TMEM108: variants seen among roughly 807,000 people sequenced by gnomAD.
TMEM108 encodes transmembrane protein 108.
TMEM108 carries 12 observed loss-of-function variants against 35.1 expected under a neutral mutation model. The ratio of observed to expected loss-of-function variants is 0.34; its 90% CI spans 0.22 to 0.55. The LOEUF (loss-of-function observed/expected upper bound fraction) is 0.55, where lower values mean the gene tolerates loss of function less well. Ranked by LOEUF, TMEM108 falls within the 20% of genes least tolerant of loss-of-function variation. The pLI is 0.89. For synonymous variants in TMEM108, 287 were observed against 308.6 expected (o/e 0.93, Z 0.73); for missense variants, 680 against 753.3 (o/e 0.90, Z 1.14).
intron 2 of TMEM108, among the ~76,000 whole-genome samples, chr3:133,220,777 C>T (rs1338424014): frequency 6.6e-6 from 1 of 152,150 alleles, no homozygotes; most frequent in Middle Eastern, 3.2e-3. Context: ...TCCCACAAGA[C>T]TGCTCCCTAC....
At chr3:133,340,297 T>C (rs1193311513) in intron 3 of TMEM108, among the ~76,000 whole-genome samples, 3 of 151,680 alleles carry the variant, frequency 2.0e-5, no homozygotes, top group Admixed American at 6.6e-5. Context: ...TTAGTGGCTA[T>C]CGTGAGCAAC....
chr3:133,378,197 G>A (rs931449837), intron 3 of TMEM108: 4 of 301,588 alleles, frequency 1.3e-5, no homozygotes, highest in South Asian at 1.3e-4. Context: ...AAAGTCCCCC[G>A]CAGCCTCCCA....
intron 2 of TMEM108, among the ~76,000 whole-genome samples, chr3:133,116,827 G>A (rs1453537147): frequency 6.6e-6 from 1 of 152,190 alleles, no homozygotes; most frequent in African/African-American, 2.4e-5. Flanking sequence ...CCAGGCTGGA[G>A]CGCAATGGCG....
Position 133,243,677 on chromosome 3 carries a change from C to T in TMEM108, c.40+14326C>T, listed in dbSNP as rs148730008. Among the ~76,000 whole-genome samples the T allele has an allele frequency of 3.6e-3, 554 of 152,196 alleles. 3 individuals carry two copies. Among genetic ancestry groups the T allele is most frequent in the African/African-American group, 0.012 (504 of 41,534 alleles). ...CTGGGACTACAGGCGCCTGCCACCA[C>T]GCCCGGCTAATTTTTTGTACTTTTT... is the stretch of plus-strand genomic sequence containing the variant. On this transcript the variant is annotated intron_variant, in intron 3 of 5. Coordinates refer to ENST00000321871, the MANE Select transcript of TMEM108 (RefSeq NM_023943.4).
intron 3 of TMEM108, among the ~76,000 whole-genome samples, chr3:133,375,858 C>G (rs1414873099): frequency 6.6e-6 from 1 of 152,236 alleles, no homozygotes; most frequent in African/African-American, 2.4e-5. Context: ...CTGTTGCCCA[C>G]TCTGTGAAAT....
intron 3 of TMEM108, among the ~76,000 whole-genome samples, chr3:133,338,530 G>T (rs1360334295): frequency 2.0e-5 from 3 of 152,014 alleles, no homozygotes; most frequent in Admixed American, 1.3e-4. Flanking sequence ...ATCAACATTA[G>T]ATCTGTCCTA....
chr3:133,079,030 T>C lies in TMEM108; in HGVS notation c.-47+33010T>C, dbSNP rs1480555366. ...AACTTGCAAAATATAATAATAGTTA[T>C]ATAAATATTGAATTCAGCGAGAAGT... is the stretch of plus-strand genomic sequence containing the variant. On this transcript the variant is annotated intron_variant, in intron 2 of 5. Transcript: ENST00000321871. Among the ~76,000 whole-genome samples the C allele has an allele frequency of 3.3e-5, 5 of 152,342 alleles. No homozygotes were observed. The East Asian group carries it at 9.6e-4, about 29-fold the overall frequency.
At chr3:133,153,474 A>G (rs185910833) in intron 2 of TMEM108, among the ~76,000 whole-genome samples, 59 of 152,316 alleles carry the variant, frequency 3.9e-4, no homozygotes, top group African/African-American at 1.4e-3. Context: ...CCACTTTTAC[A>G]GTGAGGAAAG....
chr3:133,162,149 C>G (rs1470076828), intron 2 of TMEM108, among the ~76,000 whole-genome samples: 1 of 146,648 alleles, frequency 6.8e-6, no homozygotes, highest in Admixed American at 6.8e-5. Flanking sequence ...GAATCCTAGA[C>G]TTTTTTTTTT....
chr3:133,170,752 A>G (rs1448088891), intron 2 of TMEM108, among the ~76,000 whole-genome samples: 1 of 152,186 alleles, frequency 6.6e-6, no homozygotes, highest in African/African-American at 2.4e-5. Context: ...ATGATAGGAG[A>G]TATATCAGTA....
intron 2 of TMEM108, among the ~76,000 whole-genome samples, chr3:133,139,288 T>C (rs960785207): frequency 3.9e-4 from 59 of 152,178 alleles, no homozygotes; most frequent in African/African-American, 1.4e-3. Flanking sequence ...AGTAATGGGA[T>C]TGCTGGGTCA....
Position 133,212,882 on chromosome 3 carries a change from GA to G in TMEM108, c.-46-16373del, listed in dbSNP as rs35722031. 5.0e-4 allele frequency among the ~76,000 whole-genome samples: 64 copies of G among 127,494 alleles called. No homozygotes were observed. In the East Asian group the frequency reaches 9.3e-3, roughly 19 times the overall value. 83.6% of individuals were successfully genotyped at this position (127,494 alleles called of 152,430 possible). On this transcript the variant is annotated intron_variant, in intron 2 of 5. Coordinates refer to ENST00000321871, the MANE Select transcript of TMEM108 (RefSeq NM_023943.4). ...ACTCTGTCTCAAAAAAAAAAAAAAGGAAAAAAAAAAAGAAAGAAAGAAGAGA... is the reference window on the plus strand; with the variant it reads ...ACTCTGTCTCAAAAAAAAAAAAAAGGAAAAAAAAAAGAAAGAAAGAAGAGA...
intron 2 of TMEM108, among the ~76,000 whole-genome samples, chr3:133,189,372 TA>T (rs1015263207): frequency 6.6e-6 from 1 of 152,230 alleles, no homozygotes. Context: ...ATCGTATTTT[TA>T]AAGTGGAATT....
chr3:133,327,463 T>G (rs6805892), intron 3 of TMEM108, among the ~76,000 whole-genome samples: 1 of 151,946 alleles, frequency 6.6e-6, no homozygotes, highest in South Asian at 2.1e-4. Context: ...TCAGCTCTGC[T>G]CAGCCAGAGC....
In TMEM108 at chr3:133,346,757, C is replaced by T. The variant is rs1039921339; in HGVS notation, c.41-32995C>T. Among the ~76,000 whole-genome samples, 1 of 152,028 alleles carries T rather than the reference C, an allele frequency of 6.6e-6. No homozygotes were observed. The highest frequency in any genetic ancestry group is 1.5e-5 in the Non-Finnish European group (1 of 67,914). ...AAATTTTCTCCTATGTTATCTTCTA[C>T]AAGTTCTATAGTTTTGCATTTTACA... On this transcript the variant is annotated intron_variant, in intron 3 of 5. Coordinates refer to ENST00000321871, the MANE Select transcript of TMEM108 (RefSeq NM_023943.4). This position sits in a 1 kb window ranked among gnomAD's most constrained non-coding sequence, Gnocchi z 4.0.
intron 3 of TMEM108, among the ~76,000 whole-genome samples, chr3:133,333,370 CAA>C (rs143504205): frequency 2.6e-4 from 38 of 146,836 alleles, no homozygotes; most frequent in Admixed American, 1.3e-3. Context: ...GCCCCTCTTT[CAA>C]AAAAAAAAAA....
chr3:133,222,512 A>C (rs1946007038), intron 2 of TMEM108, among the ~76,000 whole-genome samples: 1 of 151,802 alleles, frequency 6.6e-6, no homozygotes, highest in African/African-American at 2.4e-5. Context: ...CTATAATTCA[A>C]ATATTTGCTC....
chr3:133,105,156 C>G (rs1944134429), intron 2 of TMEM108, among the ~76,000 whole-genome samples: 1 of 152,212 alleles, frequency 6.6e-6, no homozygotes, highest in Non-Finnish European at 1.5e-5. Flanking sequence ...CTGCTGACAT[C>G]TCTGTGTCAG....
At chr3:133,040,378 A>AT (rs1199652159) in intron 1 of TMEM108, among the ~76,000 whole-genome samples, 1 of 151,032 alleles carries the variant, frequency 6.6e-6, no homozygotes, top group African/African-American at 2.4e-5. Flanking sequence ...TAATTTTTGT[A>AT]TTTTTTAGTA....
Sources: allele counts gnomAD v4.1 joint callset (sites outside exome capture counted in the v4.1 genomes callset), GRCh38; gene constraint gnomAD v4.1.1; non-coding constraint Gnocchi (gnomAD v3.1); transcripts MANE v1.5; gene names NCBI Gene and HGNC (gene_info 2026-07-23, HGNC 2026-07-21).